Variants in PARN observed in about 807,000 individuals in gnomAD.
PARN encodes the protein poly(A)-specific ribonuclease, also known as poly(A)-specific ribonuclease PARN.
In PARN, 71 loss-of-function variants were observed where a neutral mutation model predicts 102.8. The ratio of observed to expected loss-of-function variants is 0.69; its 90% CI spans 0.57 to 0.84. The LOEUF is 0.84. Ranked by LOEUF, PARN falls within the 40% of genes least tolerant of loss-of-function variation. PARN has a pLI of 0.00. For missense variants in PARN, 782 were observed against 760.9 expected (o/e 1.03, Z -0.33); for synonymous variants, 261 against 252.9 (o/e 1.03, Z -0.30).
intron 16 of PARN, 109 bp from the exon 17 acceptor site, chr16:14,582,400 G>GA (rs1969589106): frequency 5.6e-6 from 4 of 720,644 alleles, no homozygotes; most frequent in South Asian, 1.6e-5. Flanking sequence ...TAAATAGGCA[G>GA]AAAAAAGCTA....
chr16:14,491,584 T>C (rs778085049), intron 21 of PARN, among the ~76,000 whole-genome samples: 1 of 151,904 alleles, frequency 6.6e-6, no homozygotes, highest in Non-Finnish European at 1.5e-5. Flanking sequence ...GACAACATAG[T>C]GTGACCCCCA....
chr16:14,519,341 T>TGGAGG (rs1209638046), intron 21 of PARN, among the ~76,000 whole-genome samples: 2 of 5,712 alleles, frequency 3.5e-4, no homozygotes, highest in African/African-American at 6.9e-4. Context: ...GAGTGGAGGG[T>TGGAGG]GGAGGGGAGG....
chr16:14,514,149 G>C (rs905309595), intron 21 of PARN, among the ~76,000 whole-genome samples: 3 of 152,130 alleles, frequency 2.0e-5, no homozygotes, highest in Non-Finnish European at 2.9e-5. Context: ...GGGGATATAA[G>C]AGTCACTTTA....
chr16:14,606,375 T>A, intron 10 of PARN, 109 bp downstream of exon 10: 1 of 531,622 alleles, frequency 1.9e-6, no homozygotes, highest in Non-Finnish European at 3.2e-6. Context: ...CCAGCCTGGG[T>A]AATCAGAGAA....
intron 22 of PARN, 92 bp downstream of exon 22, chr16:14,482,546 G>T: frequency 2.0e-6 from 2 of 984,400 alleles, no homozygotes; most frequent in Non-Finnish European, 3.0e-6. Flanking sequence ...TTTCCCAAAA[G>T]TCAGATTTAG....
intron 21 of PARN, among the ~76,000 whole-genome samples, chr16:14,529,781 G>A (rs575989272): frequency 1.3e-5 from 2 of 152,120 alleles, no homozygotes; most frequent in South Asian, 2.1e-4. Flanking sequence ...ATGAGGACTC[G>A]GCATCCCCTT....
intron 18 of PARN, among the ~76,000 whole-genome samples, chr16:14,577,735 T>C (rs1969233709): frequency 6.6e-6 from 1 of 152,096 alleles, no homozygotes. Context: ...TGGCGCAATC[T>C]CGGCTCACTG....
intron 21 of PARN, among the ~76,000 whole-genome samples, chr16:14,528,845 A>C (rs1235714212): frequency 6.6e-6 from 1 of 152,226 alleles, no homozygotes; most frequent in Non-Finnish European, 1.5e-5. Flanking sequence ...CAACTAGTTG[A>C]GTATTCAATT....
chr16:14,622,919 C>A (rs971572962), intron 5 of PARN, among the ~76,000 whole-genome samples: 28 of 151,852 alleles, frequency 1.8e-4, no homozygotes, highest in Non-Finnish European at 3.7e-4. Flanking sequence ...GCCAAGGCAA[C>A]ATGGTAAAAC....
chr16:14,526,119 A>G (rs1965985416), intron 21 of PARN, among the ~76,000 whole-genome samples: 1 of 148,934 alleles, frequency 6.7e-6, no homozygotes, highest in South Asian at 2.1e-4. Flanking sequence ...CCTATAACCA[A>G]ATTTTCTACA....
chr16:14,461,902 GAC>G (rs1188925388), intron 22 of PARN, among the ~76,000 whole-genome samples: 2 of 152,222 alleles, frequency 1.3e-5, no homozygotes, highest in Non-Finnish European at 2.9e-5. Context: ...TGAATGTGCA[GAC>G]ACACAGACTC....
intron 18 of PARN, among the ~76,000 whole-genome samples, chr16:14,562,605 T>C (rs1372723078): frequency 6.6e-6 from 1 of 151,236 alleles, no homozygotes; most frequent in Non-Finnish European, 1.5e-5. Context: ...ATAAATTGGG[T>C]GAAATTACTG....
chr16:14,552,099 C>A lies in PARN; in HGVS notation c.1406-4G>T. ...ATCCAGGATATCTGAATGTTACCTGCAATCGCAAATTAAAAGTAAAGTGAA... is the reference window on the plus strand; with the variant it reads ...ATCCAGGATATCTGAATGTTACCTGAAATCGCAAATTAAAAGTAAAGTGAA... On this transcript the variant is annotated splice_polypyrimidine_tract_variant and splice_region_variant and intron_variant, in intron 20 of 23. Coordinates refer to ENST00000437198, the MANE Select transcript of PARN (RefSeq NM_002582.4). 1 of 1,592,668 alleles carries A rather than the reference C, an allele frequency of 6.3e-7. No homozygotes were observed. The highest frequency in any genetic ancestry group is 1.1e-5 in the South Asian group (1 of 89,788).
At chr16:14,623,565 G>A (rs543812994) in intron 5 of PARN, among the ~76,000 whole-genome samples, 6 of 150,520 alleles carry the variant, frequency 4.0e-5, no homozygotes, top group African/African-American at 9.8e-5. Flanking sequence ...GGCCAGGCGC[G>A]ATGGCTCACG....
chr16:14,442,796 C>T (rs986550410), intron 23 of PARN, among the ~76,000 whole-genome samples: 1 of 152,148 alleles, frequency 6.6e-6, no homozygotes, highest in Non-Finnish European at 1.5e-5. Flanking sequence ...TTAGTAGAGA[C>T]AGGGTTTCGC....
intron 21 of PARN, among the ~76,000 whole-genome samples, chr16:14,528,710 C>T (rs1021011712): frequency 5.9e-5 from 9 of 152,274 alleles, no homozygotes; most frequent in Admixed American, 5.9e-4. Context: ...TCTCCCCAGC[C>T]TGGTAAAATG....
intron 22 of PARN, among the ~76,000 whole-genome samples, chr16:14,474,798 T>C (rs930601514): frequency 6.6e-6 from 1 of 152,176 alleles, no homozygotes; most frequent in African/African-American, 2.4e-5. Flanking sequence ...GATTTTTCAG[T>C]AGGAAGACAG....
At chr16:14,575,061 T>C (rs745720586) in intron 18 of PARN, among the ~76,000 whole-genome samples, 1 of 152,202 alleles carries the variant, frequency 6.6e-6, no homozygotes, top group Non-Finnish European at 1.5e-5. Context: ...TGGGGACCTC[T>C]ACCTAGATTT....
Position 14,610,767 on chromosome 16 carries a change from T to C in PARN, c.431A>G (p.Glu144Gly). The change falls in exon 7 of 24, where the codon GAG becomes GGG. Residue 144 changes from glutamate to glycine, a missense_variant. Coordinates refer to ENST00000437198, the MANE Select transcript of PARN (RefSeq NM_002582.4). ...LNQEEERQLREQYDEKRSQAN... is the reference protein window; with the variant it reads ...LNQEEERQLRGQYDEKRSQAN... ...CTGTGAACGTTTTTCATCATACTGC[T>C]CTCTTAACTGTCTTTCTTCTTCCTG... 1 of 1,611,584 alleles carries C rather than the reference T, an allele frequency of 6.2e-7. No homozygotes were observed. Among genetic ancestry groups the C allele is most frequent in the South Asian group, 1.1e-5 (1 of 91,038 alleles).
Sources: allele counts gnomAD v4.1 joint callset (sites outside exome capture counted in the v4.1 genomes callset), GRCh38; gene constraint gnomAD v4.1.1; transcripts MANE v1.5; gene names NCBI Gene and HGNC (gene_info 2026-07-23, HGNC 2026-07-21).